The following PSMD1 variants were observed in gnomAD, a reference collection of about 807,000 sequenced individuals.
PSMD1 encodes proteasome 26S subunit, non-ATPase 1, also known as 26S proteasome non-ATPase regulatory subunit 1.
Under a neutral mutation model 119.0 loss-of-function variants are expected in PSMD1, and 18 were observed. That is an observed-to-expected ratio of 0.15 (90% CI 0.10 to 0.22). The LOEUF is 0.22. PSMD1 is among the 10% of genes least tolerant of loss of function. The probability of loss-of-function intolerance (pLI) is 1.00; values close to 1 mark genes in which losing one functional copy is unlikely to be tolerated. For missense variants in PSMD1, 702 were observed against 1,158.5 expected, an observed-to-expected ratio of 0.61 and a Z score of 5.72; for synonymous variants, 374 against 396.6, an observed-to-expected ratio of 0.94 and a Z score of 0.68.
rs1696693988 is a variant in PSMD1 at position 231,163,786 on chromosome 2, T to C, written c.2481+59T>C. 7.8e-6 allele frequency: 10 copies of C among 1,275,340 alleles called. No individual in the cohort carries two copies. The South Asian group carries it at 1.3e-4, about 17-fold the overall frequency. The allele number at this position is 1,275,340 out of a possible 1,614,324, so 79.0% of individuals were successfully genotyped here. A position where few individuals can be genotyped will look rare whatever the true frequency, so the allele number is the denominator to read the frequency against. ...CTTAAATATAGGAGCCACTGAGTAT[T>C]TTACTTTTTCTTTAACTATCTTTTA... On this transcript the variant is annotated intron_variant, in intron 21 of 24. Transcript: ENST00000308696.
At chr2:231,154,349 A>G (rs1182562605) in intron 19 of PSMD1, among the ~76,000 whole-genome samples, 1 of 152,110 alleles carries the variant, frequency 6.6e-6, no homozygotes, top group African/African-American at 2.4e-5. Context: ...CAGGAGAATC[A>G]CTTGAACCTG....
At chr2:231,076,316 G>A (rs1694165615) in intron 8 of PSMD1, among the ~76,000 whole-genome samples, 1 of 152,318 alleles carries the variant, frequency 6.6e-6, no homozygotes, top group Middle Eastern at 3.4e-3. Flanking sequence ...ATGCTCAGGT[G>A]TGTAAACTTC....
intron 17 of PSMD1, chr2:231,139,137 GTTTA>G (rs1696041691): frequency 1.2e-5 from 5 of 412,858 alleles, no homozygotes; most frequent in Non-Finnish European, 2.3e-5. Context: ...TTTTTTGTTT[GTTTA>G]TTTGTTTTGA....
chr2:231,125,679 C>A (rs748074897), intron 16 of PSMD1, among the ~76,000 whole-genome samples: 1 of 152,128 alleles, frequency 6.6e-6, no homozygotes, highest in Non-Finnish European at 1.5e-5. Flanking sequence ...GGAGAAAATA[C>A]AAGTAATGAA....
chr2:231,082,892 C>G lies in PSMD1; in HGVS notation c.1423C>G (p.His475Asp). The G allele has an allele frequency of 6.2e-7, 1 of 1,613,468 alleles. No homozygotes were observed. ...LKNASNDIVR[H>D]GGSLGLGLAA... ...TATGTTTTTTCCTTAGATCGTTAGA[C>G]ACGGTGGCAGTCTGGGCCTTGGTTT... Residue 475 changes from histidine to aspartate, a missense_variant, in exon 13 of 25, where the codon CAC (histidine) becomes GAC (aspartate). By Grantham distance (81) the His-to-Asp change is moderately conservative (BLOSUM62 -1). This residue lies in a region of PSMD1 where 272 missense variants were observed against 511.6 expected (regional missense o/e 0.53). Coordinates refer to ENST00000308696, the MANE Select transcript of PSMD1 (RefSeq NM_002807.4).
chr2:231,087,299 AT>A, intron 16 of PSMD1, 118 bp downstream of exon 16: 1 of 772,312 alleles, frequency 1.3e-6, no homozygotes. Flanking sequence ...CCTGAGGAGT[AT>A]ATCTGGGTTC....
At chr2:231,111,419 T>G (rs1305909823) in intron 16 of PSMD1, among the ~76,000 whole-genome samples, 1 of 152,226 alleles carries the variant, frequency 6.6e-6, no homozygotes, top group African/African-American at 2.4e-5. Flanking sequence ...TACATTCTGT[T>G]AATATCAGGA....
intron 17 of PSMD1, among the ~76,000 whole-genome samples, chr2:231,144,092 T>C (rs1210208646): frequency 1.3e-5 from 2 of 152,238 alleles, no homozygotes; most frequent in East Asian, 1.9e-4. Flanking sequence ...ATTTTTCTTT[T>C]TTCTTTTTTA....
chr2:231,136,959 GTATATATATAT>G (rs1641583742), intron 16 of PSMD1, among the ~76,000 whole-genome samples: 1 of 140,594 alleles, frequency 7.1e-6, no homozygotes, highest in African/African-American at 2.6e-5. Context: ...TTTACATATA[GTATATATATAT>G]TATATATATT....
At chr2:231,087,331 G>C (rs1199872220) in intron 16 of PSMD1, 150 bp downstream of exon 16, 2 of 629,576 alleles carry the variant, frequency 3.2e-6, no homozygotes, top group Non-Finnish European at 5.6e-6. Flanking sequence ...CCATTTAATA[G>C]CGAGATTAGT....
intron 16 of PSMD1, among the ~76,000 whole-genome samples, chr2:231,120,770 G>T (rs1307323407): frequency 6.6e-6 from 1 of 152,128 alleles, no homozygotes; most frequent in African/African-American, 2.4e-5. Flanking sequence ...TAAAATTATT[G>T]CTCATAGTGA....
At chr2:231,160,308 A>G (rs147584530) in intron 19 of PSMD1, among the ~76,000 whole-genome samples, 1 of 152,214 alleles carries the variant, frequency 6.6e-6, no homozygotes, top group African/African-American at 2.4e-5. Context: ...CCATGGTTAC[A>G]GGGCTAGTTA....
chr2:231,109,204 G>A, intron 16 of PSMD1: 1 of 1,614,188 alleles, frequency 6.2e-7, no homozygotes, highest in African/African-American at 1.3e-5. Context: ...GAGGTGGCTT[G>A]TTTTTGACTA....
intron 16 of PSMD1, among the ~76,000 whole-genome samples, chr2:231,116,854 C>G (rs1198674714): frequency 2.0e-5 from 3 of 151,918 alleles, no homozygotes; most frequent in Non-Finnish European, 2.9e-5. Context: ...CTTTACAATT[C>G]CAAGCCTTTC....
At position 231,072,349 on chromosome 2, in the gene PSMD1, G is replaced by T; in HGVS notation, c.815G>T (p.Gly272Val). 6.2e-7 allele frequency: 1 copy of T among 1,614,008 alleles called. No homozygotes were observed. Among genetic ancestry groups the T allele is most frequent in the Non-Finnish European group, 8.5e-7 (1 of 1,179,916 alleles). Residue 272 changes from glycine to valine, a missense_variant, in exon 7 of 25, where the codon GGC becomes GTC. Coordinates refer to ENST00000308696, the MANE Select transcript of PSMD1 (RefSeq NM_002807.4). ...SSVIQNLRTV[G>V]TPIASVPGST... ...GTAATCCAGAATCTTCGAACTGTTG[G>T]CACCCCTATTGCTTCTGTGCCTGGA...
intron 16 of PSMD1, chr2:231,109,184 G>A (rs1476153315): frequency 1.2e-6 from 2 of 1,614,196 alleles, no homozygotes; most frequent in Non-Finnish European, 1.7e-6. Flanking sequence ...AGTCAACCAT[G>A]TTAGGCGTTG....
intron 15 of PSMD1, 104 bp from the exon 16 acceptor site, chr2:231,087,013 G>T (rs541910071): frequency 1.3e-6 from 1 of 798,332 alleles, no homozygotes; most frequent in Admixed American, 2.0e-5. Flanking sequence ...ATACCTATCA[G>T]TAGTGAGGTA....
At chr2:231,136,290 A>G (rs1695962942) in intron 16 of PSMD1, among the ~76,000 whole-genome samples, 1 of 152,208 alleles carries the variant, frequency 6.6e-6, no homozygotes, top group Non-Finnish European at 1.5e-5. Flanking sequence ...CCTAGGAACT[A>G]TGAAGGTCTT....
At position 231,102,508 on chromosome 2, in the gene PSMD1, A is replaced by G. The variant is rs567439813; in HGVS notation, c.1883+15327A>G. On this transcript the variant is annotated intron_variant, in intron 16 of 24. Transcript: ENST00000308696. ...TCAATTAACATATAATTTTTATGTTATATGTATTATATACTATATTCTTAC... is the reference window on the plus strand; with the variant it reads ...TCAATTAACATATAATTTTTATGTTGTATGTATTATATACTATATTCTTAC... Among the ~76,000 whole-genome samples, 26 of 152,348 alleles carry G rather than the reference A, an allele frequency of 1.7e-4. 1 individual carries two copies. The South Asian group carries it at 3.5e-3, about 21-fold the overall frequency.
Sources: gnomAD v4.1 joint callset for allele counts (sites outside exome capture counted in the v4.1 genomes callset) on GRCh38, gnomAD v4.1.1 for gene constraint, gnomAD v4.1.1 regional missense constraint, MANE v1.5 for transcripts, NCBI Gene and HGNC (gene_info 2026-07-23, HGNC 2026-07-21) for gene names.